The following C11orf65 variants were observed in gnomAD, a reference collection of about 807,000 sequenced individuals.
C11orf65 encodes chromosome 11 open reading frame 65.
C11orf65 carries 38 observed loss-of-function variants against 35.3 expected under a neutral mutation model. The observed-to-expected ratio is 1.08, with a 90% CI of 0.83 to 1.41. The LOEUF (loss-of-function observed/expected upper bound fraction) is 1.41. Among genes scored for constraint, C11orf65 ranks in the 40% most tolerant of loss-of-function variants. The probability of loss-of-function intolerance (pLI) is 0.00; values close to 1 mark genes in which losing one functional copy is unlikely to be tolerated. For synonymous variants in C11orf65, 105 were observed against 114.4 expected (o/e 0.92, Z 0.53); for missense variants, 370 against 367.1 (o/e 1.01, Z -0.06).
At chr11:108,358,091 A>C (rs2137517804) in intron 2 of C11orf65, among the ~76,000 whole-genome samples, 1 of 150,660 alleles carries the variant, frequency 6.6e-6, no homozygotes, top group Admixed American at 6.6e-5. Context: ...AATACAGAGA[A>C]GTGCTTAAAG....
intron 6 of C11orf65, chr11:108,325,249 G>GTTTTTTTTTTTTTTTTTTTTT: frequency 1.8e-6 from 1 of 565,840 alleles, no homozygotes; most frequent in East Asian, 3.4e-5. Context: ...AACTTACATA[G>GTTTTTTTTTTTTTTTTTTTTT]TTTTTTTTTT....
chr11:108,351,718 C>G (rs1319292294), intron 2 of C11orf65, among the ~76,000 whole-genome samples: 5 of 152,198 alleles, frequency 3.3e-5, no homozygotes, highest in Non-Finnish European at 5.9e-5. Flanking sequence ...CTGCAACTTG[C>G]ACAGTATCAC....
At chr11:108,437,117 G>GGC (rs1328298071) in intron 2 of C11orf65, among the ~76,000 whole-genome samples, 7 of 148,840 alleles carry the variant, frequency 4.7e-5, no homozygotes, top group Non-Finnish European at 3.0e-5. Context: ...AAAAGGGGGG[G>GGC]GGTGGACAAA....
intron 2 of C11orf65, among the ~76,000 whole-genome samples, chr11:108,445,515 C>T (rs1051321570): frequency 3.9e-4 from 59 of 152,196 alleles, no homozygotes; most frequent in Middle Eastern, 3.2e-3. Context: ...CAAACAGGGT[C>T]TGGAGTGGAC....
intron 6 of C11orf65, among the ~76,000 whole-genome samples, chr11:108,313,153 T>C (rs1341807942): frequency 6.6e-6 from 1 of 152,214 alleles, no homozygotes; most frequent in African/African-American, 2.4e-5. Flanking sequence ...AAACAGTTTA[T>C]CCTTCTATTT....
At chr11:108,344,188 T>A (rs184836678) in intron 2 of C11orf65, among the ~76,000 whole-genome samples, 12 of 152,304 alleles carry the variant, frequency 7.9e-5, no homozygotes. Flanking sequence ...TGGAAGTCTG[T>A]ACAGGGCACA....
At chr11:108,439,877 G>A (rs574157494) in intron 2 of C11orf65, among the ~76,000 whole-genome samples, 2 of 152,186 alleles carry the variant, frequency 1.3e-5, no homozygotes, top group East Asian at 3.9e-4. Flanking sequence ...CTGTGGAAAT[G>A]GATACTGGTG....
intron 2 of C11orf65, chr11:108,353,734 ACC>A: frequency 6.5e-7 from 1 of 1,530,456 alleles, no homozygotes; most frequent in Non-Finnish European, 9.1e-7. Context: ...TAGCTGTCAA[ACC>A]TCCTAACTTC....
At chr11:108,394,635 T>C (rs2092260782) in intron 6 of C11orf65, among the ~76,000 whole-genome samples, 1 of 152,234 alleles carries the variant, frequency 6.6e-6, no homozygotes, top group Admixed American at 6.5e-5. Flanking sequence ...TTTTAAGATC[T>C]ACATTGGTAG....
At chr11:108,321,654 G>T (rs2085234581) in intron 6 of C11orf65, among the ~76,000 whole-genome samples, 1 of 151,818 alleles carries the variant, frequency 6.6e-6, no homozygotes, top group South Asian at 2.1e-4. Context: ...ATGGTGGTGG[G>T]CGCCTGTAAT....
rs1384971501 is a variant in C11orf65 at position 108,418,954 on chromosome 11, T to C, written c.175-11805A>G. The stretch of plus-strand genomic sequence containing the variant: ...AGCTAGCACAAGAAGAAATACAAAA[T>C]AGAAATAGAACTATAATTCTAAATT... On this transcript the variant is annotated intron_variant, in intron 3 of 8. Transcript: ENST00000393084. Among the ~76,000 whole-genome samples the C allele has an allele frequency of 3.3e-5, 5 of 152,194 alleles. No homozygotes were observed. In the East Asian group the frequency reaches 9.6e-4, roughly 29 times the overall value.
intron 2 of C11orf65, among the ~76,000 whole-genome samples, chr11:108,452,052 C>G (rs916877529): frequency 6.6e-6 from 1 of 152,078 alleles, no homozygotes; most frequent in Non-Finnish European, 1.5e-5. Context: ...CATAAAAACC[C>G]TAGAAGAAAA....
At position 108,365,383 on chromosome 11, in the gene C11orf65, A is replaced by G. The variant is rs2091242377; in HGVS notation, c.226+27825T>C. The G allele has an allele frequency of 6.2e-7, 1 of 1,614,060 alleles. No homozygotes were observed. The highest frequency in any genetic ancestry group is 1.1e-5 in the South Asian group (1 of 91,086). ...ACGTGTCTTAATGAGACTACAAGAG[A>G]AACTGAAAGGAGTGGAAGAAGGCAC... On this transcript the variant is annotated intron_variant, in intron 2 of 3. Transcript: ENST00000524755.
chr11:108,320,859 C>T (rs183299945), intron 6 of C11orf65, among the ~76,000 whole-genome samples: 2 of 152,178 alleles, frequency 1.3e-5, no homozygotes, highest in South Asian at 2.1e-4. Flanking sequence ...ATAACATAAG[C>T]AGTAGATTAA....
At chr11:108,339,524 T>G (rs2087253497) in intron 2 of C11orf65, among the ~76,000 whole-genome samples, 1 of 152,134 alleles carries the variant, frequency 6.6e-6, no homozygotes, top group Non-Finnish European at 1.5e-5. Flanking sequence ...TCAGTCCTTT[T>G]TTGTGGTATT....
At chr11:108,398,367 C>T (rs2092367475) in intron 6 of C11orf65, among the ~76,000 whole-genome samples, 1 of 152,186 alleles carries the variant, frequency 6.6e-6, no homozygotes, top group Non-Finnish European at 1.5e-5. Context: ...GATAAGCCCT[C>T]TGTTTCTGGC....
At chr11:108,392,817 G>GC (rs1042802320) in intron 7 of C11orf65, among the ~76,000 whole-genome samples, 4 of 152,106 alleles carry the variant, frequency 2.6e-5, no homozygotes, top group African/African-American at 9.7e-5. Context: ...TTTTCTAAGG[G>GC]CCATAGTACA....
chr11:108,449,174 A>G (rs2093310687), intron 2 of C11orf65, among the ~76,000 whole-genome samples: 1 of 152,196 alleles, frequency 6.6e-6, no homozygotes, highest in Admixed American at 6.5e-5. Flanking sequence ...GCTCATGGGT[A>G]GGAAGAATCA....
chr11:108,310,079 A>G, intron 6 of C11orf65: 1 of 1,455,488 alleles, frequency 6.9e-7, no homozygotes, highest in Non-Finnish European at 9.5e-7. Flanking sequence ...AGTCACTACC[A>G]TTGTATTCTA....
Sources: gnomAD v4.1 joint callset for allele counts (sites outside exome capture counted in the v4.1 genomes callset) on GRCh38, gnomAD v4.1.1 for gene constraint, MANE v1.5 for transcripts, NCBI Gene and HGNC (gene_info 2026-07-23, HGNC 2026-07-21) for gene names.